Variants in MMP19 observed in about 807,000 individuals in gnomAD.
MMP19 encodes the protein matrix metallopeptidase 19.
MMP19 carries 47 observed loss-of-function variants against 46.6 expected under a neutral mutation model. That is an observed-to-expected ratio of 1.01 (90% CI 0.80 to 1.29). The LOEUF is 1.29. Among genes scored for constraint, MMP19 ranks in the 50% most tolerant of loss-of-function variants. MMP19 has a pLI of 0.00. For missense variants in MMP19, 589 were observed against 643.5 expected (o/e 0.92, Z 0.92); for synonymous variants, 222 against 248.5 (o/e 0.89, Z 1.00).
At chr12:55,837,775 C>T (rs1356636941) in intron 7 of MMP19, 68 bp downstream of exon 7, 2 of 1,596,754 alleles carry the variant, frequency 1.3e-6, no homozygotes, top group African/African-American at 1.3e-5. Flanking sequence ...CTTCTCATCT[C>T]CCTCCCTTTT....
At chr12:55,841,699 G>A (rs950816527) in intron 2 of MMP19, among the ~76,000 whole-genome samples, 4 of 152,058 alleles carry the variant, frequency 2.6e-5, no homozygotes, top group South Asian at 2.1e-4. Flanking sequence ...GATTACAGGC[G>A]TGAGCCACCA....
chr12:55,837,453 T>C lies in MMP19; in HGVS notation c.1189-79A>G, dbSNP rs1881318152. The C allele has an allele frequency of 2.5e-6, 4 of 1,583,720 alleles. No homozygotes were observed. The African/African-American group carries it at 4.1e-5, about 16-fold the overall frequency. ...CCCCAGGGGTCCACCCCCAGCCCAC[T>C]GCAGCTGCAGAACATCTCCCTTCAA... is the stretch of plus-strand genomic sequence containing the variant. On this transcript the variant is annotated intron_variant, in intron 8 of 8. Transcript: ENST00000322569.
At chr12:55,837,412 G>A (rs1165653341) in intron 8 of MMP19, 38 bp from the exon 9 acceptor site, 22 of 1,580,086 alleles carry the variant, frequency 1.4e-5, no homozygotes, top group Non-Finnish European at 1.9e-5. Context: ...GAGAGGAAGA[G>A]GAGAGAGCTT....
Position 55,839,682 on chromosome 12 carries a change from CGT to C in MMP19, c.578_579del (p.Asp193GlyfsTer5). 2 of 1,614,214 alleles carry C rather than the reference CGT, an allele frequency of 1.2e-6. No individual in the cohort carries two copies. The highest frequency in any genetic ancestry group is 1.7e-6 in the Non-Finnish European group (2 of 1,180,030). On this transcript the variant is annotated frameshift_variant, in exon 5 of 9. Coordinates refer to ENST00000322569, the MANE Select transcript of MMP19 (RefSeq NM_002429.6). LOFTEE classifies it high-confidence loss of function. ...CGGTAGGTCCCCTCAGTCCAGAACT[CGT>C]CTTCGTCGAAGTGCACACTGCCCAG... Reference protein sequence around the residue: ...PELGSVHFDEDEFWTEGTYRG... With the variant: ...PELGSVHFDEXEFWTEGTYRG...
chr12:55,835,941 G>C lies in MMP19; in HGVS notation c.*1095C>G, dbSNP rs1328530097. ...AAAAGCTGGCTTCTTGCTCCAAGGA[G>C]AGAGCATTGACCCACCTGCCAGAGT... On this transcript the variant is annotated 3_prime_UTR_variant, in exon 9 of 9. Transcript: ENST00000322569. 1 of 152,348 alleles carries C rather than the reference G, an allele frequency of 6.6e-6. No individual in the cohort carries two copies. Among genetic ancestry groups the C allele is most frequent in the East Asian group, 1.9e-4 (1 of 5,202 alleles). 9.4% of individuals were successfully genotyped at this position (152,348 alleles called of 1,614,324 possible).
chr12:55,839,669 T>G lies in MMP19; in HGVS notation c.593A>C (p.Glu198Ala). The G allele has an allele frequency of 6.2e-7, 1 of 1,614,238 alleles. No individual in the cohort carries two copies. Among genetic ancestry groups the G allele is most frequent in the Non-Finnish European group, 8.5e-7 (1 of 1,180,034 alleles). The change falls in exon 5 of 9, where the codon GAG (glutamate) becomes GCG (alanine). Residue 198 changes from glutamate (E) to alanine (A), a missense_variant. Transcript: ENST00000322569. ...VHFDEDEFWT[E>A]GTYRGVNLRI... ...CAGGTTCACCCCACGGTAGGTCCCC[T>G]CAGTCCAGAACTCGTCTTCGTCGAA...
intron 4 of MMP19, chr12:55,840,055 A>G: frequency 3.2e-6 from 1 of 314,330 alleles, no homozygotes; most frequent in Non-Finnish European, 5.9e-6. Context: ...GCCAGGGGTG[A>G]TGGCTCACAC....
Position 55,842,524 on chromosome 12 carries a change from A to G in MMP19, c.88-86T>C, listed in dbSNP as rs935953055. 4 of 1,117,956 alleles carry G rather than the reference A, an allele frequency of 3.6e-6. No homozygotes were observed. In the African/African-American group the frequency reaches 6.2e-5, roughly 17 times the overall value. The allele number at this position is 1,117,956 out of a possible 1,614,324, so 69.3% of individuals were successfully genotyped here. The stretch of plus-strand genomic sequence containing the variant: ...AGTGACCTAACAGATCCATCAGGAG[A>G]GGAGGGACCTGATATGGAAGCACTA... On this transcript the variant is annotated intron_variant, in intron 1 of 8. Transcript: ENST00000322569.
At position 55,841,129 on chromosome 12, in the gene MMP19, T is replaced by G. The variant is rs1295557960; in HGVS notation, c.281A>C (p.Lys94Thr). Residue 94 changes from lysine to threonine, a missense_variant, in exon 3 of 9, where the codon AAG becomes ACG. Physicochemically the swap from Lys to Thr is moderately conservative, Grantham distance 78 (BLOSUM62 -1). Coordinates refer to ENST00000322569, the MANE Select transcript of MMP19 (RefSeq NM_002429.6). ...RCGLEDPFNQ[K>T]TLKYLLLGRW... The stretch of plus-strand genomic sequence containing the variant: ...ACCCAGCAACAGGTATTTAAGGGTC[T>G]TCTGGTTGAAGGGATCCTCTAGGCC... 1 of 1,613,178 alleles carries G rather than the reference T, an allele frequency of 6.2e-7. No individual in the cohort carries two copies. The highest frequency in any genetic ancestry group is 1.1e-5 in the South Asian group (1 of 91,040).
chr12:55,839,860 G>A, intron 4 of MMP19, 119 bp from the exon 5 acceptor site: 1 of 1,317,766 alleles, frequency 7.6e-7, no homozygotes, highest in Non-Finnish European at 1.0e-6. Context: ...TATGTTCACT[G>A]TCTCTTGGAT....
intron 1 of MMP19, 112 bp downstream of exon 1, chr12:55,842,632 A>G: frequency 3.2e-6 from 3 of 940,856 alleles, no homozygotes; most frequent in Non-Finnish European, 5.0e-6. Context: ...TGGGGCAGAG[A>G]GAGCAAGGGA....
chr12:55,840,986 GGTAA>G (rs1565698934), intron 3 of MMP19, 104 bp from the exon 4 acceptor site: 2 of 1,538,750 alleles, frequency 1.3e-6, no homozygotes, highest in Non-Finnish European at 1.8e-6. Context: ...GTGACAACCA[GGTAA>G]TCACCAGGTG....
At position 55,837,524 on chromosome 12, in the gene MMP19, A is replaced by G. The variant is rs1277737953; in HGVS notation, c.1188+31T>C. 1.7e-5 allele frequency: 28 copies of G among 1,613,480 alleles called. No individual in the cohort carries two copies. The Admixed American group carries it at 1.8e-4, about 11-fold the overall frequency. On this transcript the variant is annotated intron_variant, in intron 8 of 8. Transcript: ENST00000322569. ...TATAAGGTAGCCCACTCCTCCTAAG[A>G]AGGGATTTGCCCTTGCTTTGAACTT...
rs1023444462 is a variant in MMP19, at chr12:55,840,115, C to T, written c.521-374G>A. On this transcript the variant is annotated intron_variant, in intron 4 of 8. Coordinates refer to ENST00000322569, the MANE Select transcript of MMP19 (RefSeq NM_002429.6). ...CCAAGGCAGGAGGATTGCTTGAGTA[C>T]AGGAGTTTAAGACCAGCCTGGGCAA... 1.8e-5 allele frequency: 4 copies of T among 222,900 alleles called. No homozygotes were observed. The Admixed American group carries it at 2.1e-4, about 12-fold the overall frequency. The allele number at this position is 222,900 out of a possible 1,614,324, so 13.8% of individuals were successfully genotyped here.
chr12:55,841,203 T>A lies in MMP19; in HGVS notation c.207A>T (p.Ser69=). Residue 69 remains serine (S), a synonymous_variant, in exon 3 of 9, where the codon TCA becomes TCT. Coordinates refer to ENST00000322569, the MANE Select transcript of MMP19 (RefSeq NM_002429.6). ...AFQEASELPV[S]GQLDDATRAR... is the part of the protein sequence containing the mutation. ...CCCTTGTGGCATCATCCAGCTGACC[T>A]GAGACTGGAAGTTCAGATGCTTCCT... The A allele has an allele frequency of 1.2e-6, 2 of 1,613,764 alleles. No homozygotes were observed. Among genetic ancestry groups the A allele is most frequent in the Non-Finnish European group, 1.7e-6 (2 of 1,179,926 alleles).
chr12:55,840,441 A>C, intron 4 of MMP19, among the ~76,000 whole-genome samples: 1 of 130,432 alleles, frequency 7.7e-6, no homozygotes, highest in African/African-American at 2.9e-5. Context: ...GAGGGAGGGA[A>C]GGAGAGAGAA....
intron 8 of MMP19, 54 bp from the exon 9 acceptor site, chr12:55,837,428 C>G: frequency 6.4e-7 from 1 of 1,574,682 alleles, no homozygotes; most frequent in Non-Finnish European, 8.6e-7. Flanking sequence ...AGCTTAGGAC[C>G]CCCAGGGGTC....
At position 55,841,067 on chromosome 12, in the gene MMP19, C is replaced by A. The variant is rs75807379; in HGVS notation, c.304+39G>T. The A allele has an allele frequency of 1.7e-4, 272 of 1,600,406 alleles. 1 individual carries two copies. The African/African-American group carries it at 3.2e-3, about 19-fold the overall frequency. On this transcript the variant is annotated intron_variant, in intron 3 of 8. Coordinates refer to ENST00000322569, the MANE Select transcript of MMP19 (RefSeq NM_002429.6). ...CCACCCACACGCCAGAACCACATCA[C>A]CCCCTCCTCTCCCTCTCTTTTCCAG...
intron 2 of MMP19, chr12:55,841,485 G>A (rs749045948): frequency 2.6e-5 from 11 of 430,352 alleles, no homozygotes; most frequent in African/African-American, 9.8e-5. Flanking sequence ...TTGCCCTCAG[G>A]TGTAGCCTTC....
Sources: allele counts gnomAD v4.1 joint callset (sites outside exome capture counted in the v4.1 genomes callset), GRCh38; gene constraint gnomAD v4.1.1; transcripts MANE v1.5; gene names NCBI Gene and HGNC (gene_info 2026-07-23, HGNC 2026-07-21).